AK5: variants seen among roughly 807,000 people sequenced by gnomAD.
The protein encoded by AK5 is adenylate kinase 5.
Under a neutral mutation model 69.5 loss-of-function variants are expected in AK5, and 27 were observed. The ratio of observed to expected loss-of-function variants is 0.39; its 90% CI spans 0.29 to 0.54. The LOEUF is 0.54. Ranked by LOEUF, AK5 falls within the 20% of genes least tolerant of loss-of-function variation. The probability of loss-of-function intolerance (pLI) is 0.71; values close to 1 mark genes in which losing one functional copy is unlikely to be tolerated. For missense variants in AK5, 531 were observed against 700.4 expected (o/e 0.76, Z 2.73); for synonymous variants, 260 against 244.4 (o/e 1.06, Z -0.60).
At chr1:77,368,223 A>AT (rs1553140215) in intron 6 of AK5, among the ~76,000 whole-genome samples, 2 of 31,646 alleles carry the variant, frequency 6.3e-5, no homozygotes, top group East Asian at 0.048. Context: ...TACTATATAT[A>AT]TATATATATA....
At chr1:77,337,188 G>A (rs1661406603) in intron 5 of AK5, among the ~76,000 whole-genome samples, 1 of 152,124 alleles carries the variant, frequency 6.6e-6, no homozygotes, top group Non-Finnish European at 1.5e-5. Context: ...TGTCGCTAGT[G>A]TTTCAAAAGC....
intron 6 of AK5, among the ~76,000 whole-genome samples, chr1:77,391,182 C>G (rs899834542): frequency 1.3e-5 from 2 of 151,822 alleles, no homozygotes; most frequent in Admixed American, 1.3e-4. Flanking sequence ...AGCCTGGTTG[C>G]ATGGGCAGGT....
chr1:77,451,017 CT>C (rs1331980791), intron 8 of AK5, among the ~76,000 whole-genome samples: 6 of 151,802 alleles, frequency 4.0e-5, no homozygotes, highest in Admixed American at 6.6e-5. Context: ...CTCTAAAAAA[CT>C]TTTTTTAATT....
At chr1:77,545,288 T>C (rs994849913) in intron 13 of AK5, among the ~76,000 whole-genome samples, 1 of 152,078 alleles carries the variant, frequency 6.6e-6, no homozygotes, top group Admixed American at 6.6e-5. Flanking sequence ...ATTCTTTCTC[T>C]CTGAAATCAA....
At chr1:77,409,455 T>C (rs1008597617) in intron 6 of AK5, among the ~76,000 whole-genome samples, 1 of 152,234 alleles carries the variant, frequency 6.6e-6, no homozygotes, top group African/African-American at 2.4e-5. Context: ...TGGTATCTCA[T>C]TGGGGCTTTG....
chr1:77,286,520 G>T (rs1397968681), intron 1 of AK5, among the ~76,000 whole-genome samples: 2 of 151,804 alleles, frequency 1.3e-5, no homozygotes, highest in East Asian at 3.9e-4. Flanking sequence ...AAAACAATCA[G>T]AATTCAAAGA....
chr1:77,318,058 A>T (rs1008835246), intron 5 of AK5, among the ~76,000 whole-genome samples: 18 of 152,246 alleles, frequency 1.2e-4, no homozygotes, highest in African/African-American at 4.3e-4. Context: ...GAGCACATCC[A>T]TCATTATCCC....
chr1:77,532,568 C>T (rs1188760358), intron 12 of AK5, among the ~76,000 whole-genome samples: 1 of 152,212 alleles, frequency 6.6e-6, no homozygotes, highest in African/African-American at 2.4e-5. Flanking sequence ...CCTCCATTTC[C>T]TCATCCTTAA....
chr1:77,315,882 C>T (rs12144794), intron 5 of AK5, among the ~76,000 whole-genome samples: 54,654 of 151,394 alleles, frequency 0.36, 10,174 homozygotes, highest in South Asian at 0.47. Context: ...TAAGGAATCC[C>T]GGGCTAGGGA....
At chr1:77,402,320 G>C (rs1410017176) in intron 6 of AK5, among the ~76,000 whole-genome samples, 1 of 151,840 alleles carries the variant, frequency 6.6e-6, no homozygotes, top group African/African-American at 2.4e-5. Flanking sequence ...TGTACTTTAA[G>C]TTTTAGGGTA....
chr1:77,517,081 A>AAG (rs1557649020), intron 10 of AK5, among the ~76,000 whole-genome samples: 1 of 151,490 alleles, frequency 6.6e-6, no homozygotes, highest in African/African-American at 2.4e-5. Context: ...AAAAAAAAAA[A>AAG]AAGAAGAAGA....
rs763872779 is a variant in AK5, at chr1:77,293,743, GTT to G, written c.248-47_248-46del. The G allele has an allele frequency of 6.7e-6, 10 of 1,488,702 alleles. No homozygotes were observed. In the East Asian group the frequency reaches 2.3e-4, roughly 35 times the overall value. 92.2% of individuals were successfully genotyped at this position (1,488,702 alleles called of 1,614,324 possible). On this transcript the variant is annotated intron_variant, in intron 2 of 13. Transcript: ENST00000354567. The stretch of plus-strand genomic sequence containing the variant: ...TACTAACTGTTTAAGTGTGAAGAGT[GTT>G]TTATTATGGTGTTTTTTCCTTTTCA...
At position 77,361,637 on chromosome 1, in the gene AK5, G is replaced by T. The variant is rs574678587; in HGVS notation, c.891+21069G>T. On this transcript the variant is annotated intron_variant, in intron 6 of 13. Transcript: ENST00000354567. Reference sequence around the variant, plus strand: ...GAGACTGGGCAATTTATAAAAGAAAGAGTTTAATTAGACTCACAGTTCCAC... The same window carrying T: ...GAGACTGGGCAATTTATAAAAGAAATAGTTTAATTAGACTCACAGTTCCAC... Among the ~76,000 whole-genome samples the T allele has an allele frequency of 3.3e-3, 508 of 152,278 alleles. 1 individual carries two copies. Among genetic ancestry groups the T allele is most frequent in the African/African-American group, 0.011 (471 of 41,540 alleles).
chr1:77,340,628 G>A (rs569895388), intron 6 of AK5, 60 bp downstream of exon 6: 3 of 1,495,712 alleles, frequency 2.0e-6, no homozygotes, highest in South Asian at 1.2e-5. Context: ...TTTCTCATTA[G>A]CCCATGTTCT....
At chr1:77,426,194 G>A (rs1651195195) in intron 8 of AK5, among the ~76,000 whole-genome samples, 1 of 152,130 alleles carries the variant, frequency 6.6e-6, no homozygotes, top group Non-Finnish European at 1.5e-5. Flanking sequence ...GATTGTCAGA[G>A]TGGATCAAAA....
chr1:77,339,646 T>A (rs990434911), intron 5 of AK5, among the ~76,000 whole-genome samples: 66 of 22,394 alleles, frequency 2.9e-3, no homozygotes, highest in Admixed American at 5.1e-3. Context: ...AGCAATATCT[T>A]TTTTTTTTTT....
chr1:77,402,026 C>T (rs575250726), intron 6 of AK5, among the ~76,000 whole-genome samples: 15 of 152,260 alleles, frequency 9.9e-5, no homozygotes, highest in Non-Finnish European at 1.5e-5. Flanking sequence ...TCTTAAGATT[C>T]CTAGACATTA....
chr1:77,420,536 A>G (rs1250370861), intron 8 of AK5: 1 of 152,244 alleles, frequency 6.6e-6, no homozygotes, highest in Non-Finnish European at 1.5e-5. Context: ...GTTTACATGC[A>G]TTATTGCTGA....
intron 8 of AK5, among the ~76,000 whole-genome samples, chr1:77,444,211 A>ACACCAC (rs1652527285): frequency 7.8e-6 from 1 of 127,458 alleles, no homozygotes. Flanking sequence ...ATATATATAT[A>ACACCAC]TACCACTTAT....
Sources: gnomAD v4.1 joint callset for allele counts (sites outside exome capture counted in the v4.1 genomes callset) on GRCh38, gnomAD v4.1.1 for gene constraint, MANE v1.5 for transcripts, NCBI Gene and HGNC (gene_info 2026-07-23, HGNC 2026-07-21) for gene names.